Variants in CSTL1 observed in about 807,000 individuals in gnomAD.
CSTL1 encodes the protein cystatin like 1, also known as cystatin-like 1.
Under a neutral mutation model 14.4 loss-of-function variants are expected in CSTL1, and 14 were observed. The ratio of observed to expected loss-of-function variants is 0.97; its 90% confidence interval spans 0.64 to 1.52. The LOEUF (loss-of-function observed/expected upper bound fraction) is 1.52. Among genes scored for constraint, CSTL1 ranks in the 40% most tolerant of loss-of-function variants. CSTL1 has a pLI of 0.00. For synonymous variants in CSTL1, 72 were observed against 67.5 expected, an observed-to-expected ratio of 1.07 and a Z score of -0.33; for missense variants, 170 against 168.7, an observed-to-expected ratio of 1.01 and a Z score of -0.04.
intron 3 of CSTL1, 151 bp from the exon 4 acceptor site, chr20:23,444,620 C>T: frequency 3.3e-6 from 2 of 608,436 alleles, no homozygotes; most frequent in South Asian, 2.0e-5. Context: ...GACTGGCACT[C>T]CTTTCTGTTT....
chr20:23,451,791 A>G, the CSTL1 span: 4 of 1,552,072 alleles, frequency 2.6e-6, no homozygotes, highest in African/African-American at 2.7e-5. Context: ...ACTTCTGTCT[A>G]CGTTAAAGTG....
At chr20:23,451,993 C>T in the CSTL1 span, 9 of 1,104,974 alleles carry the variant, frequency 8.1e-6, no homozygotes, top group Non-Finnish European at 1.2e-5. Context: ...TGCCTGGGGG[C>T]TCCGCTACCC....
At chr20:23,460,039 C>G in the CSTL1 span, among the ~76,000 whole-genome samples, 1 of 152,196 alleles carries the variant, frequency 6.6e-6, no homozygotes, top group Non-Finnish European at 1.5e-5. Context: ...TTTATACTTC[C>G]CCAGCTTGTA....
chr20:23,442,981 G>A (rs1347950356), intron 2 of CSTL1, among the ~76,000 whole-genome samples: 1 of 152,208 alleles, frequency 6.6e-6, no homozygotes, highest in African/African-American at 2.4e-5. Flanking sequence ...GGCTTTTCCA[G>A]GCTCCAACCC....
the CSTL1 span, chr20:23,452,771 G>A: frequency 6.2e-7 from 1 of 1,614,134 alleles, no homozygotes; most frequent in African/African-American, 1.3e-5. Flanking sequence ...CAATAGAATG[G>A]CCAACAGGAG....
At chr20:23,456,303 G>A in the CSTL1 span, among the ~76,000 whole-genome samples, 1 of 152,320 alleles carries the variant, frequency 6.6e-6, no homozygotes, top group South Asian at 2.1e-4. Context: ...AACTTTGAAC[G>A]TGCTTTAAAG....
chr20:23,460,823 G>A, the CSTL1 span, among the ~76,000 whole-genome samples: 1 of 152,146 alleles, frequency 6.6e-6, no homozygotes, highest in Non-Finnish European at 1.5e-5. Flanking sequence ...TTTAGCCAAA[G>A]GGAAAAGTCA....
At chr20:23,442,936 C>T (rs1490776816) in intron 2 of CSTL1, among the ~76,000 whole-genome samples, 1 of 152,214 alleles carries the variant, frequency 6.6e-6, no homozygotes, top group Non-Finnish European at 1.5e-5. Flanking sequence ...CTCTGTTAGT[C>T]TCCCTTCTGG....
At chr20:23,460,946 G>T in the CSTL1 span, among the ~76,000 whole-genome samples, 1 of 152,124 alleles carries the variant, frequency 6.6e-6, no homozygotes, top group Non-Finnish European at 1.5e-5. Flanking sequence ...GGAAATTCCT[G>T]GTGAGATGTT....
chr20:23,460,973 A>G, the CSTL1 span, among the ~76,000 whole-genome samples: 61 of 152,306 alleles, frequency 4.0e-4, no homozygotes, highest in African/African-American at 1.3e-3. Context: ...TCACCGTGGC[A>G]ATGCAAATTG....
At chr20:23,456,956 A>T in the CSTL1 span, among the ~76,000 whole-genome samples, 4 of 152,170 alleles carry the variant, frequency 2.6e-5, no homozygotes, top group Non-Finnish European at 5.9e-5. Flanking sequence ...TAATCTCACC[A>T]TCCTAAGATC....
At chr20:23,447,977 ACTATTT>A (rs1231821158), downstream of CSTL1, among the ~76,000 whole-genome samples, 1 of 152,052 alleles carries the variant, frequency 6.6e-6, no homozygotes, top group Non-Finnish European at 1.5e-5. Context: ...GTCTAATTGT[ACTATTT>A]CTATCTTTTT....
the CSTL1 span, among the ~76,000 whole-genome samples, chr20:23,460,933 C>T: frequency 1.3e-5 from 2 of 152,202 alleles, no homozygotes; most frequent in African/African-American, 4.8e-5. Flanking sequence ...ATTCTGCCCA[C>T]AAGGAAATTC....
chr20:23,460,712 G>A, the CSTL1 span, among the ~76,000 whole-genome samples: 7 of 152,192 alleles, frequency 4.6e-5, no homozygotes, highest in East Asian at 1.9e-4. Flanking sequence ...AAAAAATGTC[G>A]GGAATCCTCA....
chr20:23,456,362 T>G, the CSTL1 span, among the ~76,000 whole-genome samples: 2 of 152,200 alleles, frequency 1.3e-5, no homozygotes, highest in Non-Finnish European at 2.9e-5. Context: ...AGTGCTTGCT[T>G]CTTTCTCTTT....
At chr20:23,458,388 C>G in the CSTL1 span, 2 of 152,210 alleles carry the variant, frequency 1.3e-5, no homozygotes, top group African/African-American at 2.4e-5. Context: ...TCCATGCACT[C>G]TTAAACTCCA....
At chr20:23,456,828 A>G in the CSTL1 span, among the ~76,000 whole-genome samples, 1 of 152,112 alleles carries the variant, frequency 6.6e-6, no homozygotes, top group Non-Finnish European at 1.5e-5. Flanking sequence ...CAAAGCCAGC[A>G]TGGAGTCTCT....
chr20:23,443,841 TG>T, intron 2 of CSTL1, 92 bp from the exon 3 acceptor site: 1 of 851,274 alleles, frequency 1.2e-6, no homozygotes, highest in South Asian at 1.6e-5. Context: ...ACTGTGGCCC[TG>T]GGAGCTTTAC....
At chr20:23,441,892 CAG>C (rs1986841438) in intron 2 of CSTL1, among the ~76,000 whole-genome samples, 1 of 152,190 alleles carries the variant, frequency 6.6e-6, no homozygotes, top group Admixed American at 6.5e-5. Flanking sequence ...GCAGCTGGAA[CAG>C]AGAGAACCGG....
Sources: gnomAD v4.1 joint callset for allele counts (sites outside exome capture counted in the v4.1 genomes callset) on GRCh38, gnomAD v4.1.1 for gene constraint, MANE v1.5 for transcripts, NCBI Gene and HGNC (gene_info 2026-07-23, HGNC 2026-07-21) for gene names.